CNEP1R1: variants seen among roughly 807,000 people sequenced by gnomAD.
The protein encoded by CNEP1R1 is nuclear envelope phosphatase-regulatory subunit 1.
Under a neutral mutation model 22.7 loss-of-function variants are expected in CNEP1R1, and 10 were observed. The ratio of observed to expected loss-of-function variants is 0.44; its 90% CI spans 0.27 to 0.75. The LOEUF is 0.75. CNEP1R1 is among the 30% of genes least tolerant of loss of function. The pLI is 0.17. For missense variants in CNEP1R1, 73 were observed against 151.5 expected, an observed-to-expected ratio of 0.48 and a Z score of 2.72; for synonymous variants, 53 against 50.1, an observed-to-expected ratio of 1.06 and a Z score of -0.25.
intron 3 of CNEP1R1, among the ~76,000 whole-genome samples, chr16:50,032,344 A>G (rs1404551363): frequency 2.0e-5 from 3 of 152,034 alleles, no homozygotes; most frequent in African/African-American, 7.3e-5. Flanking sequence ...GTCCCTCTAC[A>G]TATTCTTAGA....
chr16:50,025,228 G>A lies in CNEP1R1; in HGVS notation c.-88G>A. ...GGAGGGGCAGCGGGGAGCGGTTAGA[G>A]GTGGGAGTTGGCGCTGCGGGCCGGG... On this transcript the variant is annotated 5_prime_UTR_variant, in exon 1 of 6. Coordinates refer to ENST00000427478, the MANE Select transcript of CNEP1R1 (RefSeq NM_001281789.2). 7.8e-7 allele frequency: 1 copy of A among 1,277,644 alleles called. No homozygotes were observed. The highest frequency in any genetic ancestry group is 1.0e-6 in the Non-Finnish European group (1 of 979,258). The allele number at this position is 1,277,644 out of a possible 1,614,324, so 79.1% of individuals were successfully genotyped here.
At chr16:50,027,337 G>A (rs2036193842) in intron 2 of CNEP1R1, among the ~76,000 whole-genome samples, 1 of 151,706 alleles carries the variant, frequency 6.6e-6, no homozygotes, top group Admixed American at 6.6e-5. Context: ...GTGAAACCCC[G>A]TCTCTACTAA....
chr16:50,027,372 G>A (rs151132274), intron 2 of CNEP1R1, among the ~76,000 whole-genome samples: 70 of 152,136 alleles, frequency 4.6e-4, no homozygotes, highest in African/African-American at 1.5e-3. Flanking sequence ...GCCGGGCGTG[G>A]TGGCGGGCGC....
At chr16:50,030,301 G>C (rs2036220528) in intron 3 of CNEP1R1, among the ~76,000 whole-genome samples, 1 of 152,116 alleles carries the variant, frequency 6.6e-6, no homozygotes, top group Admixed American at 6.6e-5. Flanking sequence ...AATCAGCCAA[G>C]TGTAGCATGC....
intron 1 of CNEP1R1, chr16:50,025,541 C>G (rs1269281033): frequency 8.4e-7 from 1 of 1,194,620 alleles, no homozygotes; most frequent in African/African-American, 1.5e-5. Flanking sequence ...TCCCCACAAA[C>G]CTAGAGGGTC....
chr16:50,028,632 C>CT (rs1288963016), intron 2 of CNEP1R1, among the ~76,000 whole-genome samples: 2 of 152,134 alleles, frequency 1.3e-5, no homozygotes, highest in Non-Finnish European at 2.9e-5. Flanking sequence ...TATAAATATA[C>CT]TTTACTTTTT....
chr16:50,029,935 TATTA>T, intron 3 of CNEP1R1, 137 bp downstream of exon 3: 1 of 528,342 alleles, frequency 1.9e-6, no homozygotes, highest in South Asian at 2.5e-5. Context: ...ATATGCCTTT[TATTA>T]ATTTGCTCAA....
intron 2 of CNEP1R1, among the ~76,000 whole-genome samples, chr16:50,027,433 AG>A (rs561459167): frequency 4.1e-4 from 62 of 150,460 alleles, no homozygotes; most frequent in African/African-American, 1.3e-3. Context: ...GAGTGAACCC[AG>A]GAGGCAGAGC....
chr16:50,033,179 G>A (rs1164010833), intron 3 of CNEP1R1, among the ~76,000 whole-genome samples: 2 of 152,122 alleles, frequency 1.3e-5, no homozygotes. Flanking sequence ...AATGAATGGA[G>A]GGAATACTGC....
At chr16:50,034,512 T>A in intron 5 of CNEP1R1, 1 of 269,780 alleles carries the variant, frequency 3.7e-6, no homozygotes, top group Non-Finnish European at 7.1e-6. Context: ...CTACTGTTAT[T>A]TATCAAGTGA....
chr16:50,032,323 C>G (rs1410938911), intron 3 of CNEP1R1, among the ~76,000 whole-genome samples: 2 of 152,216 alleles, frequency 1.3e-5, no homozygotes. Flanking sequence ...AGTCATGGAT[C>G]CTGGACCCTT....
intron 1 of CNEP1R1, chr16:50,025,714 T>C (rs377088218): frequency 4.7e-5 from 76 of 1,612,472 alleles, no homozygotes; most frequent in Non-Finnish European, 6.0e-5. Flanking sequence ...TAGGAAGTGC[T>C]GCTCGGTGTT....
chr16:50,025,397 C>T (rs1815478789), intron 1 of CNEP1R1, 57 bp downstream of exon 1: 2 of 1,409,736 alleles, frequency 1.4e-6, no homozygotes, highest in African/African-American at 1.5e-5. Context: ...GGCGGTGCTC[C>T]GGAGGAGCCG....
intron 5 of CNEP1R1, chr16:50,034,770 T>A (rs2036261345): frequency 6.5e-6 from 1 of 154,772 alleles, no homozygotes. Context: ...AGGCAGGTGG[T>A]GCACACCTGT....
At chr16:50,025,395 T>C (rs1172089904) in intron 1 of CNEP1R1, 55 bp downstream of exon 1, 48 of 1,411,980 alleles carry the variant, frequency 3.4e-5, no homozygotes, top group Non-Finnish European at 4.3e-5. Flanking sequence ...CTGGCGGTGC[T>C]CCGGAGGAGC....
At chr16:50,034,081 C>T (rs767034128) in intron 4 of CNEP1R1, 21 bp from the exon 5 acceptor site, 2 of 1,576,228 alleles carry the variant, frequency 1.3e-6, no homozygotes, top group East Asian at 2.3e-5. Flanking sequence ...GAGAAATTTT[C>T]CTTTGACCAC....
Position 50,025,309 on chromosome 16 carries a change from GC to G in CNEP1R1, c.-4del. 7.0e-7 allele frequency: 1 copy of G among 1,429,464 alleles called. No individual in the cohort carries two copies. Among genetic ancestry groups the G allele is most frequent in the South Asian group, 1.5e-5 (1 of 67,594 alleles). The allele number at this position is 1,429,464 out of a possible 1,614,324, so 88.5% of individuals were successfully genotyped here. On this transcript the variant is annotated 5_prime_UTR_variant, in exon 1 of 6. Coordinates refer to ENST00000427478, the MANE Select transcript of CNEP1R1 (RefSeq NM_001281789.2). ...GGCAGCGGCGGTGACCCGAGCTGCCGCCCGACATGAACTCGCTGGAGCAGGC... is the reference window on the plus strand; with the variant it reads ...GGCAGCGGCGGTGACCCGAGCTGCCGCCGACATGAACTCGCTGGAGCAGGC...
chr16:50,034,484 G>A (rs1383471500), intron 5 of CNEP1R1: 6 of 315,218 alleles, frequency 1.9e-5, no homozygotes, highest in South Asian at 6.6e-5. Context: ...ATGGCTCAGC[G>A]GATATTGGTT....
chr16:50,032,471 G>T (rs928299317), intron 3 of CNEP1R1, among the ~76,000 whole-genome samples: 1 of 152,078 alleles, frequency 6.6e-6, no homozygotes, highest in African/African-American at 2.4e-5. Flanking sequence ...TTCCCTACTT[G>T]AATGTCCTGT....
Sources: allele counts gnomAD v4.1 joint callset (sites outside exome capture counted in the v4.1 genomes callset), GRCh38; gene constraint gnomAD v4.1.1; transcripts MANE v1.5; gene names NCBI Gene and HGNC (gene_info 2026-07-23, HGNC 2026-07-21).